The following ZNF565 variants were observed in gnomAD, a reference collection of about 807,000 sequenced individuals.
ZNF565 encodes zinc finger protein 565.
In ZNF565, 27 loss-of-function variants were observed where a neutral mutation model predicts 39.4. That is an observed-to-expected ratio of 0.69 (90% CI 0.51 to 0.95). The LOEUF (loss-of-function observed/expected upper bound fraction) is 0.95, where lower values mean the gene tolerates loss of function less well. ZNF565 is among the 40% of genes least tolerant of loss of function. The pLI is 0.00. For synonymous variants in ZNF565, 185 were observed against 216.6 expected (o/e 0.85, Z 1.28); for missense variants, 524 against 621.1 (o/e 0.84, Z 1.66).
At chr19:36,190,991 CA>C (rs58218863) in intron 4 of ZNF565, among the ~76,000 whole-genome samples, 12,438 of 79,250 alleles carry the variant, frequency 0.16, 497 homozygotes, top group African/African-American at 0.3. Context: ...GACTCTGTCT[CA>C]AAAAAAAAAA....
intron 4 of ZNF565, among the ~76,000 whole-genome samples, chr19:36,191,077 A>G (rs1975522726): frequency 6.6e-6 from 1 of 150,880 alleles, no homozygotes; most frequent in South Asian, 2.1e-4. Flanking sequence ...TTGAACACAT[A>G]AAGTCTCTAC....
chr19:36,227,988 CTG>C (rs1333598891), intron 1 of ZNF565, among the ~76,000 whole-genome samples: 1 of 152,084 alleles, frequency 6.6e-6, no homozygotes, highest in Admixed American at 6.5e-5. Flanking sequence ...TGGTGAAACT[CTG>C]TCTCTACTAA....
At position 36,183,463 on chromosome 19, in the gene ZNF565, T is replaced by A; in HGVS notation, c.503A>T (p.Glu168Val). The A allele has an allele frequency of 1.2e-6, 2 of 1,614,208 alleles. No homozygotes were observed. The highest frequency in any genetic ancestry group is 8.5e-7 in the Non-Finnish European group (1 of 1,180,044). Residue 168 changes from glutamate to valine, a missense_variant, in exon 5 of 5, where the codon GAA (glutamate) becomes GTA (valine). Coordinates refer to ENST00000304116, the MANE Select transcript of ZNF565 (RefSeq NM_152477.5). ...QSRETGEKLM[E>V]CHECGKAFSR... ...AAATGCTTTCCCACATTCATGACATTCCATCAGTTTCTCACCAGTCTCCCT... is the reference window on the plus strand; with the variant it reads ...AAATGCTTTCCCACATTCATGACATACCATCAGTTTCTCACCAGTCTCCCT...
At chr19:36,237,371 C>T (rs1409663289) in intron 1 of ZNF565, 4 of 1,533,844 alleles carry the variant, frequency 2.6e-6, no homozygotes, top group African/African-American at 2.8e-5. Flanking sequence ...AAATTTGCAC[C>T]TCATCATGCC....
chr19:36,182,230 T>G, downstream of ZNF565: 1 of 365,352 alleles, frequency 2.7e-6, no homozygotes, highest in Non-Finnish European at 4.6e-6. Flanking sequence ...AGAAGCAGCT[T>G]TTCTATATTC....
intron 1 of ZNF565, among the ~76,000 whole-genome samples, chr19:36,230,144 T>C (rs1450831912): frequency 6.6e-6 from 1 of 152,232 alleles, no homozygotes. Context: ...AACAACTACA[T>C]AGCATTTACT....
rs1326393624 is a variant in ZNF565, at chr19:36,182,720, C to T, written c.1246G>A (p.Asp416Asn). Residue 416 changes from aspartate (D) to asparagine (N), a missense_variant, in exon 5 of 5, where the codon GAC becomes AAC. By Grantham distance (23) the Asp-to-Asn change is conservative. Coordinates refer to ENST00000304116, the MANE Select transcript of ZNF565 (RefSeq NM_152477.5). Reference sequence around the variant, plus strand: ...CATTCCTTACATTCGTAGGGTTTGTCACCTGTATGAATTCTTTGATGTTGA... The same window carrying T: ...CATTCCTTACATTCGTAGGGTTTGTTACCTGTATGAATTCTTTGATGTTGA... The part of the protein sequence containing the change: ...LIQHQRIHTG[D>N]KPYECKECGK... 2 of 1,614,098 alleles carry T rather than the reference C, an allele frequency of 1.2e-6. No homozygotes were observed. Among genetic ancestry groups the T allele is most frequent in the South Asian group, 1.1e-5 (1 of 91,072 alleles).
In ZNF565 at chr19:36,213,424, C is replaced by T. The variant is rs1862566; in HGVS notation, c.-66+1198G>A. 3,187 of 152,502 alleles carry T rather than the reference C, an allele frequency of 0.021. 341 individuals are homozygous for T. The East Asian group carries it at 0.34, about 16-fold the overall frequency. 9.4% of individuals were successfully genotyped at this position (152,502 alleles called of 1,614,324 possible). A position where few individuals can be genotyped will look rare whatever the true frequency, so the allele number is the denominator to read the frequency against. On this transcript the variant is annotated intron_variant, in intron 1 of 4. Transcript: ENST00000304116. Reference sequence around the variant, plus strand: ...TTTTGAGACGAAGTCTCGCTCTTGTCCCCCAGGCTGGAGTGCGATGGCGCG... The same window carrying T: ...TTTTGAGACGAAGTCTCGCTCTTGTTCCCCAGGCTGGAGTGCGATGGCGCG...
chr19:36,211,464 C>A (rs1221356679), intron 1 of ZNF565, among the ~76,000 whole-genome samples: 1 of 149,722 alleles, frequency 6.7e-6, no homozygotes, highest in Non-Finnish European at 1.5e-5. Flanking sequence ...CACACACACA[C>A]ACACACACAC....
chr19:36,245,785 C>T lies in ZNF565; in HGVS notation c.-255G>A. On this transcript the variant is annotated 5_prime_UTR_variant, in exon 1 of 5. Coordinates refer to the ZNF565 transcript ENST00000355114. This position sits in a 1 kb window ranked among gnomAD's most constrained non-coding sequence, Gnocchi z 4.4. Reference sequence around the variant, plus strand: ...CTGCTTTTCTTGGAGGGCTCGGTGCCGGAGGCTACTCTTGAGTCCCGGTTC... The same window carrying T: ...CTGCTTTTCTTGGAGGGCTCGGTGCTGGAGGCTACTCTTGAGTCCCGGTTC... The T allele has an allele frequency of 6.1e-6, 3 of 494,876 alleles. No individual in the cohort carries two copies. The highest frequency in any genetic ancestry group is 1.1e-5 in the Non-Finnish European group (3 of 278,742). The allele number at this position is 494,876 out of a possible 1,614,324, so 30.7% of individuals were successfully genotyped here.
intron 1 of ZNF565, among the ~76,000 whole-genome samples, chr19:36,208,731 G>A (rs1181969223): frequency 1.3e-5 from 2 of 152,176 alleles, no homozygotes; most frequent in Non-Finnish European, 2.9e-5. Flanking sequence ...AGTTATGGGA[G>A]CTAGACAGGT....
intron 4 of ZNF565, among the ~76,000 whole-genome samples, chr19:36,192,899 C>T (rs1975613291): frequency 2.0e-5 from 3 of 152,022 alleles, no homozygotes; most frequent in Admixed American, 1.3e-4. Context: ...TTACTGCAAT[C>T]TCCACCTCAT....
At chr19:36,218,226 T>TATACTATA (rs1160821301), upstream of ZNF565, 1 of 151,950 alleles carries the variant, frequency 6.6e-6, no homozygotes, top group African/African-American at 2.4e-5. Flanking sequence ...CCTCAGTTGC[T>TATACTATA]CATTTCATAG....
chr19:36,229,790 G>A (rs1977244030), intron 1 of ZNF565, among the ~76,000 whole-genome samples: 1 of 152,178 alleles, frequency 6.6e-6, no homozygotes, highest in African/African-American at 2.4e-5. Context: ...CACAGTCTTG[G>A]CTCACTGCAA....
intron 1 of ZNF565, among the ~76,000 whole-genome samples, chr19:36,239,686 T>C (rs543516468): frequency 3.3e-5 from 5 of 152,296 alleles, no homozygotes; most frequent in Admixed American, 1.3e-4. Context: ...GTGCATTAGA[T>C]ACCAACACCT....
At chr19:36,236,599 T>G in intron 1 of ZNF565, 1 of 1,614,068 alleles carries the variant, frequency 6.2e-7, no homozygotes. Flanking sequence ...GAAAAGCCTT[T>G]AGCCAAAAGC....
intron 1 of ZNF565, among the ~76,000 whole-genome samples, chr19:36,228,018 GGT>G (rs769856724): frequency 1.4e-4 from 22 of 152,194 alleles, no homozygotes; most frequent in Non-Finnish European, 2.8e-4. Flanking sequence ...AAATTAGCCA[GGT>G]GTGGTGGTAC....
chr19:36,227,767 G>A (rs1325356183), intron 1 of ZNF565, among the ~76,000 whole-genome samples: 2 of 152,110 alleles, frequency 1.3e-5, no homozygotes, highest in Non-Finnish European at 2.9e-5. Flanking sequence ...TGCCCAGCCT[G>A]GTCTTGAACT....
chr19:36,187,359 C>CA, intron 4 of ZNF565, among the ~76,000 whole-genome samples: 1 of 151,656 alleles, frequency 6.6e-6, no homozygotes, highest in African/African-American at 2.4e-5. Flanking sequence ...TTTTTTGAGA[C>CA]AGAGTCTCTT....
Sources: allele counts gnomAD v4.1 joint callset (sites outside exome capture counted in the v4.1 genomes callset), GRCh38; gene constraint gnomAD v4.1.1; non-coding constraint Gnocchi (gnomAD v3.1); transcripts MANE v1.5; gene names NCBI Gene and HGNC (gene_info 2026-07-23, HGNC 2026-07-21).